ZFAND6: variants seen among roughly 807,000 people sequenced by gnomAD.
The protein encoded by ZFAND6 is AN1-type zinc finger protein 6.
ZFAND6 carries 12 observed loss-of-function variants against 24.5 expected under a neutral mutation model. That is an observed-to-expected ratio of 0.49 (90% confidence interval 0.31 to 0.79). ZFAND6 has a LOEUF of 0.79. Among genes scored for constraint, ZFAND6 ranks in the 30% least tolerant of loss-of-function variants. The pLI is 0.04. For missense variants in ZFAND6, 207 were observed against 245.9 expected (o/e 0.84, Z 1.06); for synonymous variants, 92 against 81.5 (o/e 1.13, Z -0.69).
At chr15:80,076,793 T>TC (rs1181526262) in intron 1 of ZFAND6, among the ~76,000 whole-genome samples, 1 of 152,186 alleles carries the variant, frequency 6.6e-6, no homozygotes, top group Non-Finnish European at 1.5e-5. Context: ...ATTCCTTTTT[T>TC]CCCTCACATC....
intron 1 of ZFAND6, among the ~76,000 whole-genome samples, chr15:80,083,934 T>A (rs1317638409): frequency 2.0e-5 from 3 of 152,212 alleles, no homozygotes; most frequent in Non-Finnish European, 2.9e-5. Flanking sequence ...ATAGACAAGA[T>A]GAGCTAAACC....
At chr15:80,134,112 C>A (rs11633530) in intron 6 of ZFAND6, among the ~76,000 whole-genome samples, 29 of 151,760 alleles carry the variant, frequency 1.9e-4, no homozygotes, top group Admixed American at 4.6e-4. Flanking sequence ...CTCAGCCTCC[C>A]TAGTAGCTGG....
chr15:80,104,886 C>A (rs1193655083), intron 2 of ZFAND6, among the ~76,000 whole-genome samples: 1 of 152,068 alleles, frequency 6.6e-6, no homozygotes, highest in African/African-American at 2.4e-5. Flanking sequence ...TATCATACAG[C>A]ATGCATTTTT....
At chr15:80,069,547 G>A (rs185871939) in intron 1 of ZFAND6, among the ~76,000 whole-genome samples, 32 of 152,222 alleles carry the variant, frequency 2.1e-4, no homozygotes, top group Non-Finnish European at 8.8e-5. Context: ...TCCCTAAGGA[G>A]TCAGGAGAGA....
At chr15:80,124,493 A>G (rs1414240284) in intron 5 of ZFAND6, among the ~76,000 whole-genome samples, 1 of 152,252 alleles carries the variant, frequency 6.6e-6, no homozygotes, top group Non-Finnish European at 1.5e-5. Flanking sequence ...TAAGAATACA[A>G]TAGTATTTAC....
At chr15:80,080,013 CT>C (rs1213718517) in intron 1 of ZFAND6, among the ~76,000 whole-genome samples, 1 of 139,358 alleles carries the variant, frequency 7.2e-6, no homozygotes, top group African/African-American at 2.7e-5. Context: ...TTTTTTTTTT[CT>C]TTGAGATAGA....
At chr15:80,062,787 A>T (rs573913602) in intron 1 of ZFAND6, among the ~76,000 whole-genome samples, 1 of 152,214 alleles carries the variant, frequency 6.6e-6, no homozygotes, top group African/African-American at 2.4e-5. Flanking sequence ...AAAGCCACCT[A>T]TAACACCATG....
chr15:80,132,868 A>ACCC (rs2040672180), intron 6 of ZFAND6, among the ~76,000 whole-genome samples: 1 of 151,720 alleles, frequency 6.6e-6, no homozygotes, highest in Non-Finnish European at 1.5e-5. Context: ...TGCAGCTGCT[A>ACCC]TTCTGCCATT....
At chr15:80,117,003 A>G (rs1005688312) in intron 2 of ZFAND6, among the ~76,000 whole-genome samples, 1 of 152,236 alleles carries the variant, frequency 6.6e-6, no homozygotes, top group African/African-American at 2.4e-5. Flanking sequence ...GGTTGCTTAG[A>G]AAATACTGAT....
At chr15:80,065,994 A>G (rs2036610242) in intron 1 of ZFAND6, among the ~76,000 whole-genome samples, 1 of 152,168 alleles carries the variant, frequency 6.6e-6, no homozygotes, top group African/African-American at 2.4e-5. Context: ...ATGTTTATAT[A>G]TTTAAAAACC....
intron 6 of ZFAND6, among the ~76,000 whole-genome samples, chr15:80,134,558 GC>G (rs1412702935): frequency 6.6e-6 from 1 of 152,210 alleles, no homozygotes; most frequent in Non-Finnish European, 1.5e-5. Flanking sequence ...AAGCTCTCAA[GC>G]CTGAAACAAC....
At chr15:80,059,313 A>G (rs1444977493), upstream of ZFAND6, among the ~76,000 whole-genome samples, 2 of 152,242 alleles carry the variant, frequency 1.3e-5, no homozygotes, top group Non-Finnish European at 2.9e-5. Flanking sequence ...ACCTGAACCT[A>G]CATAACCAAG....
intron 5 of ZFAND6, among the ~76,000 whole-genome samples, chr15:80,126,670 T>C (rs1269875086): frequency 6.6e-6 from 1 of 152,168 alleles, no homozygotes; most frequent in African/African-American, 2.4e-5. Flanking sequence ...AAAACGAATA[T>C]AAGAGAACTA....
intron 1 of ZFAND6, among the ~76,000 whole-genome samples, chr15:80,087,829 A>C (rs915445457): frequency 6.6e-6 from 1 of 152,076 alleles, no homozygotes; most frequent in African/African-American, 2.4e-5. Context: ...TTGCTTTATC[A>C]TATTCTTACT....
At chr15:80,099,618 C>CCTTTTTT (rs2038922394) in intron 2 of ZFAND6, among the ~76,000 whole-genome samples, 4 of 109,192 alleles carry the variant, frequency 3.7e-5, no homozygotes, top group Non-Finnish European at 5.4e-5. Flanking sequence ...TATGGATATC[C>CCTTTTTT]TTTTTTTTTT....
chr15:80,066,789 C>T (rs1432607307), intron 1 of ZFAND6, among the ~76,000 whole-genome samples: 7 of 150,532 alleles, frequency 4.7e-5, no homozygotes, highest in African/African-American at 1.7e-4. Context: ...CCCAGCTACT[C>T]GGGAGGCTGA....
intron 2 of ZFAND6, among the ~76,000 whole-genome samples, chr15:80,113,349 G>T (rs2039704907): frequency 6.6e-6 from 1 of 152,096 alleles, no homozygotes; most frequent in South Asian, 2.1e-4. Flanking sequence ...ATTTTTGAAT[G>T]CTAGCAACTA....
chr15:80,118,016 T>TTG (rs71455308), intron 2 of ZFAND6, among the ~76,000 whole-genome samples: 11,996 of 150,362 alleles, frequency 0.08, 535 homozygotes, highest in East Asian at 0.19. Flanking sequence ...AGGTATTGAA[T>TTG]TGTGTGTGTG....
rs574358690 is a variant in ZFAND6, at chr15:80,104,518, C to G, written c.-18+5940C>G. Among the ~76,000 whole-genome samples, 12 of 129,918 alleles carry G rather than the reference C, an allele frequency of 9.2e-5. 1 individual carries two copies. In the Admixed American group the frequency reaches 9.3e-4, roughly 10 times the overall value. The allele number at this position is 129,918 out of a possible 152,430, so 85.2% of individuals were successfully genotyped here. On this transcript the variant is annotated intron_variant, in intron 2 of 6. Transcript: ENST00000261749. ...TGGGCGACAGAGTGAGACCCTGTCT[C>G]AAATCAGTCAGTCAGTCAATCCATC...
Sources: gnomAD v4.1 joint callset for allele counts (sites outside exome capture counted in the v4.1 genomes callset) on GRCh38, gnomAD v4.1.1 for gene constraint, MANE v1.5 for transcripts, NCBI Gene and HGNC (gene_info 2026-07-23, HGNC 2026-07-21) for gene names.